Variants in CREB5 observed in about 807,000 individuals in gnomAD.
The protein encoded by CREB5 is cAMP responsive element binding protein 5.
Under a neutral mutation model 57.1 loss-of-function variants are expected in CREB5, and 19 were observed. The ratio of observed to expected loss-of-function variants is 0.33; its 90% confidence interval spans 0.23 to 0.49. The LOEUF (loss-of-function observed/expected upper bound fraction) is 0.49, where lower values mean the gene tolerates loss of function less well. Among genes scored for constraint, CREB5 ranks in the 20% least tolerant of loss-of-function variants. The pLI, the probability that CREB5 is intolerant of heterozygous loss-of-function variation, is 0.99. For missense variants in CREB5, 579 were observed against 671.6 expected, an observed-to-expected ratio of 0.86 and a Z score of 1.52; for synonymous variants, 238 against 238.3, an observed-to-expected ratio of 1.00 and a Z score of 0.01.
At chr7:28,650,967 A>G (rs1305455702) in intron 5 of CREB5, among the ~76,000 whole-genome samples, 2 of 152,198 alleles carry the variant, frequency 1.3e-5, no homozygotes, top group Non-Finnish European at 2.9e-5. Flanking sequence ...ATTAGTGGTA[A>G]CAGAACGCCT....
chr7:28,558,441 G>A (rs1162793348), intron 4 of CREB5, among the ~76,000 whole-genome samples: 1 of 152,222 alleles, frequency 6.6e-6, no homozygotes, highest in African/African-American at 2.4e-5. Context: ...CACCAGAAGT[G>A]AAATGAAGCA....
chr7:28,755,138 G>A (rs1439101705), intron 7 of CREB5, among the ~76,000 whole-genome samples: 2 of 152,200 alleles, frequency 1.3e-5, no homozygotes, highest in African/African-American at 4.8e-5. Flanking sequence ...TGGTCCCTCT[G>A]TAAGTTTATA....
At chr7:28,411,028 A>G (rs937535047), upstream of CREB5, among the ~76,000 whole-genome samples, 48 of 152,100 alleles carry the variant, frequency 3.2e-4, no homozygotes, top group Non-Finnish European at 1.6e-4. Context: ...AGTGTGGGTA[A>G]AAGCTTCTGG....
chr7:28,408,009 C>T (rs1468087438), upstream of CREB5, among the ~76,000 whole-genome samples: 1 of 152,184 alleles, frequency 6.6e-6, no homozygotes, highest in Non-Finnish European at 1.5e-5. Context: ...CTCCATCTCC[C>T]AGCCAATGTG....
Position 28,642,951 on chromosome 7 carries a change from T to TACACACAC in CREB5, c.464+72442_464+72449dup, listed in dbSNP as rs751628412. ...AAACAGACCGAAAGGAGGGTAGATT[T>TACACACAC]ACACACACACACACACACACACACA... On this transcript the variant is annotated intron_variant, in intron 5 of 10. Coordinates refer to ENST00000357727, the MANE Select transcript of CREB5 (RefSeq NM_182898.4). Among the ~76,000 whole-genome samples the TACACACAC allele has an allele frequency of 4.2e-3, 380 of 89,608 alleles. 2 individuals are homozygous for TACACACAC. The highest frequency in any genetic ancestry group is 6.5e-3 in the Middle Eastern group (1 of 154). The allele number at this position is 89,608 out of a possible 152,430, so 58.8% of individuals were successfully genotyped here. A position where few individuals can be genotyped will look rare whatever the true frequency, so the allele number is the denominator to read the frequency against.
At chr7:28,325,090 A>C (rs566381771) in intron 1 of CREB5, among the ~76,000 whole-genome samples, 1 of 152,296 alleles carries the variant, frequency 6.6e-6, no homozygotes, top group Admixed American at 6.5e-5. Context: ...ATAACTTCTC[A>C]ATTAATTTCT....
At chr7:28,559,216 C>T (rs1398620500) in intron 4 of CREB5, among the ~76,000 whole-genome samples, 1 of 152,194 alleles carries the variant, frequency 6.6e-6, no homozygotes, top group Non-Finnish European at 1.5e-5. Context: ...TCTGGTTGAC[C>T]AGACACATGG....
In CREB5 at chr7:28,821,317, T is replaced by C. The variant is rs1809757684; in HGVS notation, c.*2038T>C. On this transcript the variant is annotated 3_prime_UTR_variant, in exon 11 of 11. Transcript: ENST00000357727. ...TCTCGAAGCATGATTTTTATATAAC[T>C]AGTTTCAGTTTTATCTAATAACTTA... 1 of 152,178 alleles carries C rather than the reference T, an allele frequency of 6.6e-6. No individual in the cohort carries two copies. 9.4% of individuals were successfully genotyped at this position (152,178 alleles called of 1,614,324 possible).
chr7:28,486,911 C>T (rs1791579588), intron 1 of CREB5, among the ~76,000 whole-genome samples: 1 of 151,294 alleles, frequency 6.6e-6, no homozygotes, highest in Non-Finnish European at 1.5e-5. Context: ...TTGAGACCAG[C>T]CTGGCAATAC....
chr7:28,791,746 A>G (rs1807722576), intron 7 of CREB5, among the ~76,000 whole-genome samples: 1 of 152,232 alleles, frequency 6.6e-6, no homozygotes, highest in Non-Finnish European at 1.5e-5. Flanking sequence ...GCTTGTAAGA[A>G]GATAAATTTT....
chr7:28,385,909 G>C (rs190643732), intron 1 of CREB5, among the ~76,000 whole-genome samples: 157 of 152,112 alleles, frequency 1.0e-3, no homozygotes, highest in African/African-American at 3.6e-3. Context: ...CCGCTGGTAG[G>C]AATCATGGTC....
intron 1 of CREB5, among the ~76,000 whole-genome samples, chr7:28,414,162 C>T (rs1473480374): frequency 6.6e-6 from 1 of 152,030 alleles, no homozygotes. Context: ...TTCTCCTTCT[C>T]CTTCTCCTTC....
In CREB5 at chr7:28,432,102, A is replaced by G. The variant is rs1347921342; in HGVS notation, c.3+19185A>G. 4.6e-5 allele frequency among the ~76,000 whole-genome samples: 7 copies of G among 152,040 alleles called. No homozygotes were observed. The East Asian group carries it at 1.2e-3, about 25-fold the overall frequency. ...TTAACCAAAAGCCGTGTTTGGGCAA[A>G]GATAAAAACATGCACTGAAACTTTG... On this transcript the variant is annotated intron_variant, in intron 1 of 10. Coordinates refer to ENST00000357727, the MANE Select transcript of CREB5 (RefSeq NM_182898.4).
intron 5 of CREB5, among the ~76,000 whole-genome samples, chr7:28,611,489 TAAAAA>T (rs59192497): frequency 8.3e-5 from 4 of 47,982 alleles, no homozygotes; most frequent in Non-Finnish European, 1.1e-4. Context: ...CCATCTCTAC[TAAAAA>T]AAAAAAAAAA....
chr7:28,475,250 CTTTTTTTTTTTTTTTTTTTTTTTTT>C (rs530903709), intron 1 of CREB5, among the ~76,000 whole-genome samples: 3 of 59,618 alleles, frequency 5.0e-5, no homozygotes, highest in South Asian at 1.8e-3. Context: ...TCAGAAGTTT[CTTTTTTTTTTTTTTTTTTTTTTTTT>C]TTTTTTTTTT....
At chr7:28,582,276 G>A (rs780235304) in intron 5 of CREB5, among the ~76,000 whole-genome samples, 5 of 152,160 alleles carry the variant, frequency 3.3e-5, no homozygotes, top group Non-Finnish European at 7.4e-5. Context: ...TGGAATTTAG[G>A]GGTAGAGAAA....
At chr7:28,755,267 T>G (rs1443872051) in intron 7 of CREB5, among the ~76,000 whole-genome samples, 1 of 152,192 alleles carries the variant, frequency 6.6e-6, no homozygotes, top group East Asian at 1.9e-4. Context: ...GGAACAGGCT[T>G]GGGCATCTCC....
At chr7:28,676,013 A>G (rs923649767) in intron 5 of CREB5, among the ~76,000 whole-genome samples, 1 of 152,112 alleles carries the variant, frequency 6.6e-6, no homozygotes, top group Non-Finnish European at 1.5e-5. Flanking sequence ...AACAATCACT[A>G]TCTCTTCATT....
intron 4 of CREB5, among the ~76,000 whole-genome samples, chr7:28,557,129 T>A (rs1794912119): frequency 6.9e-6 from 1 of 143,922 alleles, no homozygotes; most frequent in Non-Finnish European, 1.6e-5. Context: ...ATTACCCAGT[T>A]TGAAGGTACT....
Sources: gnomAD v4.1 joint callset for allele counts (sites outside exome capture counted in the v4.1 genomes callset) on GRCh38, gnomAD v4.1.1 for gene constraint, MANE v1.5 for transcripts, NCBI Gene and HGNC (gene_info 2026-07-23, HGNC 2026-07-21) for gene names.